The following PREX1 variants were observed in gnomAD, a reference collection of about 807,000 sequenced individuals.
The protein encoded by PREX1 is phosphatidylinositol-3,4,5-trisphosphate dependent Rac exchange factor 1.
A neutral mutation model predicts 198.3 loss-of-function variants in PREX1; 41 were observed. That is an observed-to-expected ratio of 0.21 (90% CI 0.16 to 0.27). The LOEUF (loss-of-function observed/expected upper bound fraction) is 0.27, where lower values mean the gene tolerates loss of function less well. Ranked by LOEUF, PREX1 falls within the 10% of genes least tolerant of loss-of-function variation. The pLI, the probability that PREX1 is intolerant of heterozygous loss-of-function variation, is 1.00. For synonymous variants in PREX1, 843 were observed against 887.2 expected (o/e 0.95, Z 0.89); for missense variants, 1,620 against 2,200.7 (o/e 0.74, Z 5.28).
At chr20:48,788,497 G>A (rs1398402577) in intron 1 of PREX1, among the ~76,000 whole-genome samples, 1 of 152,092 alleles carries the variant, frequency 6.6e-6, no homozygotes, top group Non-Finnish European at 1.5e-5. Flanking sequence ...CTTGAAAGGT[G>A]TTGCTCATCC....
At chr20:48,733,299 C>T (rs896123747) in intron 4 of PREX1, among the ~76,000 whole-genome samples, 6 of 152,192 alleles carry the variant, frequency 3.9e-5, no homozygotes, top group African/African-American at 1.2e-4. Context: ...ATCCACTCTA[C>T]CCTTAGGCTC....
chr20:48,687,810 G>A (rs1042747461), intron 10 of PREX1, among the ~76,000 whole-genome samples: 1 of 152,166 alleles, frequency 6.6e-6, no homozygotes. Flanking sequence ...TGACCTGCGT[G>A]TAAGAGCCAG....
chr20:48,770,386 G>C (rs915697301), intron 1 of PREX1, among the ~76,000 whole-genome samples: 2 of 152,144 alleles, frequency 1.3e-5, no homozygotes, highest in African/African-American at 4.8e-5. Flanking sequence ...GGAGGTCAGG[G>C]AGGACCCTGA....
intron 1 of PREX1, among the ~76,000 whole-genome samples, chr20:48,750,235 C>A (rs2179635): frequency 1.3e-5 from 2 of 151,896 alleles, no homozygotes; most frequent in Non-Finnish European, 2.9e-5. Flanking sequence ...ACCACCCCCC[C>A]AGTCCAAGCC....
intron 1 of PREX1, among the ~76,000 whole-genome samples, chr20:48,793,985 A>AC (rs374452433): frequency 5.3e-5 from 8 of 152,238 alleles, no homozygotes; most frequent in African/African-American, 1.9e-4. Flanking sequence ...CAGGAGAAGA[A>AC]CCCCTTACTC....
chr20:48,640,569 A>C (rs1349934364), intron 29 of PREX1, among the ~76,000 whole-genome samples: 1 of 151,522 alleles, frequency 6.6e-6, no homozygotes, highest in Non-Finnish European at 1.5e-5. Flanking sequence ...CCAAGTCCTC[A>C]CCACTTCCCA....
At chr20:48,789,539 C>T (rs544609106) in intron 1 of PREX1, among the ~76,000 whole-genome samples, 100 of 152,334 alleles carry the variant, frequency 6.6e-4, no homozygotes, top group Admixed American at 2.4e-3. Flanking sequence ...TGCCCAGAGT[C>T]ACACAGCTTG....
intron 27 of PREX1, among the ~76,000 whole-genome samples, chr20:48,643,591 G>T (rs1250962933): frequency 6.6e-6 from 1 of 152,188 alleles, no homozygotes; most frequent in African/African-American, 2.4e-5. Flanking sequence ...CCCCACCAAT[G>T]AGCTCCAAAT....
chr20:48,874,044 G>T, the PREX1 span, among the ~76,000 whole-genome samples: 1 of 151,952 alleles, frequency 6.6e-6, no homozygotes, highest in Non-Finnish European at 1.5e-5. Context: ...ACCACACCCA[G>T]GTCAGAAACG....
At chr20:48,873,554 CA>C in the PREX1 span, among the ~76,000 whole-genome samples, 10,752 of 70,084 alleles carry the variant, frequency 0.15, 433 homozygotes, top group Middle Eastern at 0.2. Flanking sequence ...AGTAAAAATA[CA>C]AAAAAAAAAA....
the PREX1 span, among the ~76,000 whole-genome samples, chr20:48,887,226 T>C: frequency 2.8e-4 from 42 of 152,304 alleles, 1 homozygote; most frequent in East Asian, 4.6e-3. Flanking sequence ...TCCCCATCTT[T>C]CTTAGAGTTT....
chr20:48,753,067 C>T (rs1285402649), intron 1 of PREX1, among the ~76,000 whole-genome samples: 3 of 152,108 alleles, frequency 2.0e-5, no homozygotes, highest in Non-Finnish European at 4.4e-5. Context: ...TCTTCTGGGG[C>T]ATAAGAGAAG....
chr20:48,674,114 G>T (rs1371413751), intron 14 of PREX1, among the ~76,000 whole-genome samples: 1 of 152,206 alleles, frequency 6.6e-6, no homozygotes, highest in Non-Finnish European at 1.5e-5. Context: ...ATGGTTAGCA[G>T]CTCTGCCCTT....
At chr20:48,838,428 T>C in the PREX1 span, among the ~76,000 whole-genome samples, 1 of 152,222 alleles carries the variant, frequency 6.6e-6, no homozygotes, top group Admixed American at 6.5e-5. Flanking sequence ...CAAACTTCGA[T>C]GCGCAAAGAT....
At chr20:48,682,385 T>C (rs2089757029) in intron 10 of PREX1, among the ~76,000 whole-genome samples, 1 of 152,206 alleles carries the variant, frequency 6.6e-6, no homozygotes, top group African/African-American at 2.4e-5. Flanking sequence ...CACTTTTCAC[T>C]GTCTGAAGTG....
Position 48,659,900 on chromosome 20 carries a change from T to G in PREX1, c.1881+19A>C, listed in dbSNP as rs1361785471. 6.2e-7 allele frequency: 1 copy of G among 1,613,866 alleles called. No homozygotes were observed. The highest frequency in any genetic ancestry group is 1.7e-5 in the Admixed American group (1 of 60,036). On this transcript the variant is annotated intron_variant, in intron 16 of 39. Coordinates refer to ENST00000371941, the MANE Select transcript of PREX1 (RefSeq NM_020820.4). The stretch of plus-strand genomic sequence containing the variant: ...GGGGCTCTGGCAAGGAAGGGACAGC[T>G]GCTCAGCTGTGCTCCTACCAGCAGG...
intron 1 of PREX1, among the ~76,000 whole-genome samples, chr20:48,773,105 A>G (rs888860987): frequency 2.6e-5 from 4 of 152,058 alleles, no homozygotes; most frequent in Admixed American, 6.5e-5. Context: ...CGTCTCTACT[A>G]AAAATACAAA....
the PREX1 span, among the ~76,000 whole-genome samples, chr20:48,883,644 G>A: frequency 6.6e-6 from 1 of 151,956 alleles, no homozygotes; most frequent in South Asian, 2.1e-4. Context: ...TTTTACAATA[G>A]CATCAAAAAG....
the PREX1 span, among the ~76,000 whole-genome samples, chr20:48,843,249 G>T: frequency 6.6e-6 from 1 of 152,110 alleles, no homozygotes; most frequent in Non-Finnish European, 1.5e-5. Flanking sequence ...GTCTAACTTC[G>T]GGCATGGCTG....
Sources: gnomAD v4.1 joint callset for allele counts (sites outside exome capture counted in the v4.1 genomes callset) on GRCh38, gnomAD v4.1.1 for gene constraint, MANE v1.5 for transcripts, NCBI Gene and HGNC (gene_info 2026-07-23, HGNC 2026-07-21) for gene names.